The following GNA14 variants were observed in gnomAD, a reference collection of about 807,000 sequenced individuals.
GNA14 encodes G protein subunit alpha 14, also known as guanine nucleotide-binding protein subunit alpha-14.
A neutral mutation model predicts 42.0 loss-of-function variants in GNA14; 50 were observed. The ratio of observed to expected loss-of-function variants is 1.19; its 90% CI spans 0.95 to 1.51. The LOEUF is 1.51. Ranked by LOEUF, GNA14 falls within the 40% of genes most tolerant of loss-of-function variation. The probability of loss-of-function intolerance (pLI) is 0.00; values close to 1 mark genes in which losing one functional copy is unlikely to be tolerated. For missense variants in GNA14, 473 were observed against 446.2 expected (o/e 1.06, Z -0.54); for synonymous variants, 173 against 163.1 (o/e 1.06, Z -0.46).
rs1273716837 is a variant in GNA14 at position 77,442,966 on chromosome 9, AG to A, written c.310-8445del. Among the ~76,000 whole-genome samples the A allele has an allele frequency of 7.9e-5, 12 of 152,322 alleles. No homozygotes were observed. In the South Asian group the frequency reaches 2.5e-3, roughly 32 times the overall value. ...AAAAGCATAGCTAGAGCTAGAAGAG[AG>A]GGATATTTCAAATGACATAAAGATT... is the stretch of plus-strand genomic sequence containing the variant. On this transcript the variant is annotated intron_variant, in intron 2 of 6. Coordinates refer to ENST00000341700, the MANE Select transcript of GNA14 (RefSeq NM_004297.4).
At chr9:77,608,877 C>A (rs7848111) in intron 1 of GNA14, among the ~76,000 whole-genome samples, 13,325 of 152,040 alleles carry the variant, frequency 0.088, 1,951 homozygotes, top group African/African-American at 0.3. Flanking sequence ...CAACATTTCT[C>A]TTGGTATAAT....
At chr9:77,488,418 A>C (rs953994674) in intron 2 of GNA14, among the ~76,000 whole-genome samples, 3 of 152,222 alleles carry the variant, frequency 2.0e-5, no homozygotes, top group African/African-American at 7.2e-5. Context: ...GCCTGAAAAG[A>C]TAAATATCAC....
At chr9:77,464,939 G>A (rs761134350) in intron 2 of GNA14, among the ~76,000 whole-genome samples, 8 of 152,074 alleles carry the variant, frequency 5.3e-5, no homozygotes, top group Non-Finnish European at 8.8e-5. Flanking sequence ...AGACACAGAG[G>A]GAAGATGGAG....
intron 2 of GNA14, among the ~76,000 whole-genome samples, chr9:77,513,604 T>C (rs1837203964): frequency 6.6e-6 from 1 of 152,136 alleles, no homozygotes. Flanking sequence ...ACTCAATAAT[T>C]CCGTGAGGAG....
At chr9:77,627,179 C>A (rs929963741) in intron 1 of GNA14, among the ~76,000 whole-genome samples, 10 of 152,064 alleles carry the variant, frequency 6.6e-5, no homozygotes, top group Admixed American at 2.0e-4. Flanking sequence ...CAAGACTAAA[C>A]CAGGAAGAAG....
At chr9:77,518,539 A>T (rs906082567) in intron 2 of GNA14, among the ~76,000 whole-genome samples, 1 of 152,146 alleles carries the variant, frequency 6.6e-6, no homozygotes, top group East Asian at 1.9e-4. Context: ...CCCACATGCC[A>T]TCTTTCAACC....
intron 2 of GNA14, among the ~76,000 whole-genome samples, chr9:77,507,876 G>A (rs945969198): frequency 6.6e-6 from 1 of 151,968 alleles, no homozygotes; most frequent in Non-Finnish European, 1.5e-5. Flanking sequence ...CCACCACCAT[G>A]CCCAGCTAAC....
chr9:77,563,956 G>C (rs1822924765), intron 1 of GNA14, among the ~76,000 whole-genome samples: 1 of 152,170 alleles, frequency 6.6e-6, no homozygotes, highest in Non-Finnish European at 1.5e-5. Flanking sequence ...GATGGCAATG[G>C]ATTAGGAAGT....
intron 1 of GNA14, among the ~76,000 whole-genome samples, chr9:77,616,730 G>C (rs887034436): frequency 6.6e-6 from 1 of 152,070 alleles, no homozygotes; most frequent in Admixed American, 6.5e-5. Flanking sequence ...CCAAAGAAAA[G>C]CATCAAAAAG....
At chr9:77,474,936 C>A (rs1836392917) in intron 2 of GNA14, among the ~76,000 whole-genome samples, 1 of 151,926 alleles carries the variant, frequency 6.6e-6, no homozygotes, top group African/African-American at 2.4e-5. Flanking sequence ...TATGAAATGT[C>A]CAGAATGGTC....
intron 1 of GNA14, among the ~76,000 whole-genome samples, chr9:77,536,390 G>A (rs771194420): frequency 6.6e-6 from 1 of 152,036 alleles, no homozygotes; most frequent in African/African-American, 2.4e-5. Flanking sequence ...TCGCTCTGTC[G>A]CGCAGGCTGG....
chr9:77,431,345 A>G lies in GNA14; in HGVS notation c.569T>C (p.Phe190Ser), dbSNP rs1835550367. 2 of 1,613,878 alleles carry G rather than the reference A, an allele frequency of 1.2e-6. No individual in the cohort carries two copies. The highest frequency in any genetic ancestry group is 2.2e-5 in the South Asian group (2 of 91,064). The change falls in exon 4 of 7, where the codon TTT (phenylalanine) becomes TCT (serine). Residue 190 changes from phenylalanine (F) to serine (S), a missense_variant. By Grantham distance (155) the Phe-to-Ser change is radical (BLOSUM62 -2). Transcript: ENST00000341700. ...VPTTGIIEYP[F>S]DLENIIFRMV... ...CCGAAAGATGATGTTTTCCAAGTCA[A>G]ATGGATACTCAATGATGCCGGTGGT... is the stretch of plus-strand genomic sequence containing the variant.
chr9:77,511,486 C>A lies in GNA14; in HGVS notation c.309+17583G>T, dbSNP rs151256601. Among the ~76,000 whole-genome samples the A allele has an allele frequency of 6.7e-4, 102 of 152,292 alleles. 2 individuals carry two copies. The highest frequency in any genetic ancestry group is 2.4e-3 in the African/African-American group (101 of 41,542). On this transcript the variant is annotated intron_variant, in intron 2 of 6. Coordinates refer to ENST00000341700, the MANE Select transcript of GNA14 (RefSeq NM_004297.4). The stretch of plus-strand genomic sequence containing the variant: ...AAGCGTAACACATGTGTGTGTCCTG[C>A]AAAGATAGGAGAGACAATGTACGCA...
intron 1 of GNA14, among the ~76,000 whole-genome samples, chr9:77,539,910 T>C (rs913754765): frequency 9.2e-5 from 14 of 152,196 alleles, no homozygotes; most frequent in African/African-American, 3.4e-4. Context: ...TAGTGGTTTA[T>C]CAATTTTGTT....
At chr9:77,485,729 A>C (rs1420800167) in intron 2 of GNA14, among the ~76,000 whole-genome samples, 1 of 152,210 alleles carries the variant, frequency 6.6e-6, no homozygotes, top group Non-Finnish European at 1.5e-5. Flanking sequence ...ATCTCCTTGT[A>C]CATCTCCATC....
chr9:77,570,441 C>T (rs1336541696), intron 1 of GNA14, among the ~76,000 whole-genome samples: 1 of 152,192 alleles, frequency 6.6e-6, no homozygotes, highest in African/African-American at 2.4e-5. Context: ...TACTTTGTCT[C>T]TTTAGATTTG....
intron 1 of GNA14, among the ~76,000 whole-genome samples, chr9:77,587,063 A>G (rs1823316739): frequency 6.6e-6 from 1 of 151,152 alleles, no homozygotes; most frequent in Non-Finnish European, 1.5e-5. Context: ...TCTTACCTTC[A>G]CTATCTGACT....
intron 1 of GNA14, among the ~76,000 whole-genome samples, chr9:77,570,946 C>T (rs1363807613): frequency 6.6e-6 from 1 of 152,168 alleles, no homozygotes; most frequent in African/African-American, 2.4e-5. Context: ...TGCCCTTTTA[C>T]ATTCAATATA....
chr9:77,617,463 A>G (rs771854146), intron 1 of GNA14, among the ~76,000 whole-genome samples: 151 of 152,152 alleles, frequency 9.9e-4, no homozygotes, highest in Non-Finnish European at 1.9e-3. Flanking sequence ...AATCTAACCA[A>G]TTTGATCAAC....
Sources: allele counts gnomAD v4.1 joint callset (sites outside exome capture counted in the v4.1 genomes callset), GRCh38; gene constraint gnomAD v4.1.1; transcripts MANE v1.5; gene names NCBI Gene and HGNC (gene_info 2026-07-23, HGNC 2026-07-21).